The following CEP152 variants were observed in gnomAD, a reference collection of about 807,000 sequenced individuals.
CEP152 encodes centrosomal protein 152.
CEP152 carries 132 observed loss-of-function variants against 188.9 expected under a neutral mutation model. The observed-to-expected ratio is 0.70, with a 90% CI of 0.61 to 0.81. CEP152 has a LOEUF of 0.81. CEP152 is among the 30% of genes least tolerant of loss of function. The pLI is 0.00. For missense variants in CEP152, 1,914 were observed against 1,969.8 expected (o/e 0.97, Z 0.54); for synonymous variants, 649 against 666.6 (o/e 0.97, Z 0.41).
rs771821044 is a variant in CEP152, at chr15:48,752,451, A to C, written c.3364T>G (p.Ser1122Ala). 1 of 1,613,716 alleles carries C rather than the reference A, an allele frequency of 6.2e-7. No homozygotes were observed. Among genetic ancestry groups the C allele is most frequent in the Admixed American group, 1.7e-5 (1 of 60,022 alleles). The change falls in exon 21 of 27, where the codon TCT becomes GCT. Residue 1122 changes from serine to alanine, a missense_variant. Ser to Ala is a moderately conservative substitution (Grantham distance 99). Coordinates refer to ENST00000380950, the MANE Select transcript of CEP152 (RefSeq NM_001194998.2). ...EWKKRNMAEL[S>A]KDSASQGTGQ... Reference sequence around the variant, plus strand: ...GTGCCCTGGCTGGCAGAATCCTTAGAGAGCTCGGCCATATTTCTCTGAAAT... The same window carrying C: ...GTGCCCTGGCTGGCAGAATCCTTAGCGAGCTCGGCCATATTTCTCTGAAAT...
rs1555427904 is a variant in CEP152, at chr15:48,798,058, C to CA, written c.88-8dup. On this transcript the variant is annotated splice_region_variant and splice_polypyrimidine_tract_variant and intron_variant, in intron 2 of 26. Transcript: ENST00000380950. ...CTGTGAGTAACTGCTGCAACTGAGT[C>CA]AAAAGGTCTGCATCAATATCATACC... 1.9e-6 allele frequency: 3 copies of CA among 1,610,438 alleles called. No homozygotes were observed.
At chr15:48,732,554 G>C (rs1892458740) in intron 2 of CEP152, among the ~76,000 whole-genome samples, 1 of 151,916 alleles carries the variant, frequency 6.6e-6, no homozygotes, top group African/African-American at 2.4e-5. Context: ...TTGGGGGTTT[G>C]GGGTGAGGGG....
intron 2 of CEP152, among the ~76,000 whole-genome samples, chr15:48,800,490 G>C (rs1897604094): frequency 6.6e-6 from 1 of 151,876 alleles, no homozygotes; most frequent in Non-Finnish European, 1.5e-5. Flanking sequence ...CACTAACCTT[G>C]TGCAATAAAA....
intron 12 of CEP152, among the ~76,000 whole-genome samples, chr15:48,774,463 A>C (rs1445328694): frequency 6.6e-6 from 1 of 152,200 alleles, no homozygotes; most frequent in Non-Finnish European, 1.5e-5. Context: ...GAGTGTAGGA[A>C]GACTCCCGGA....
intron 21 of CEP152, among the ~76,000 whole-genome samples, chr15:48,751,418 G>A (rs1386860768): frequency 6.6e-6 from 1 of 152,186 alleles, no homozygotes; most frequent in Non-Finnish European, 1.5e-5. Context: ...TTGGCAGTAA[G>A]ATATTCTCAG....
At chr15:48,784,887 G>C (rs1896521325) in intron 9 of CEP152, among the ~76,000 whole-genome samples, 1 of 152,110 alleles carries the variant, frequency 6.6e-6, no homozygotes, top group East Asian at 1.9e-4. Context: ...AAATATGTTT[G>C]GGTGTAATAA....
At chr15:48,801,994 G>C (rs950186805) in intron 2 of CEP152, among the ~76,000 whole-genome samples, 4 of 152,112 alleles carry the variant, frequency 2.6e-5, no homozygotes, top group African/African-American at 9.7e-5. Context: ...CTACTTGGGA[G>C]GCTGAGGCAG....
intron 17 of CEP152, among the ~76,000 whole-genome samples, chr15:48,766,017 C>A (rs1895062546): frequency 6.6e-6 from 1 of 152,100 alleles, no homozygotes; most frequent in East Asian, 1.9e-4. Context: ...TAAAACATTA[C>A]TGAAAGCTAA....
intron 12 of CEP152, among the ~76,000 whole-genome samples, 159 bp downstream of exon 12, chr15:48,781,037 T>C (rs1234378700): frequency 1.3e-5 from 2 of 152,228 alleles, no homozygotes; most frequent in African/African-American, 4.8e-5. Context: ...AATTAATGTA[T>C]ATTTTTTATA....
At position 48,745,132 on chromosome 15, in the gene CEP152, A is replaced by G. The variant is rs1170821500; in HGVS notation, c.3635-140T>C. Reference sequence around the variant, plus strand: ...TTCTGTAACGTTCATCCCCTTAGAAACCCTACTCAGACCATTCCCTTGCTC... The same window carrying G: ...TTCTGTAACGTTCATCCCCTTAGAAGCCCTACTCAGACCATTCCCTTGCTC... On this transcript the variant is annotated intron_variant, in intron 22 of 26. Coordinates refer to ENST00000380950, the MANE Select transcript of CEP152 (RefSeq NM_001194998.2). 5 of 564,968 alleles carry G rather than the reference A, an allele frequency of 8.9e-6. No homozygotes were observed. In the Admixed American group the frequency reaches 1.8e-4, roughly 20 times the overall value. 35.0% of individuals were successfully genotyped at this position (564,968 alleles called of 1,614,324 possible). A position where few individuals can be genotyped will look rare whatever the true frequency, so the allele number is the denominator to read the frequency against.
At position 48,739,134 on chromosome 15, in the gene CEP152, A is replaced by G. The variant is rs774149605; in HGVS notation, c.4248T>C (p.Ala1416=). Residue 1416 remains alanine, a synonymous_variant, in exon 27 of 27, where the codon GCT becomes GCC. Coordinates refer to ENST00000380950, the MANE Select transcript of CEP152 (RefSeq NM_001194998.2). ...TCTCTAACAGCCTTTGTAAGTTACA[A>G]GCTGCCCTCCTCTTGGGAGCTTGTT... is the stretch of plus-strand genomic sequence containing the variant. The part of the protein sequence containing the change: ...LCEQAPKRRA[A]CNLQRLLENS... The G allele has an allele frequency of 4.3e-6, 7 of 1,614,220 alleles. No individual in the cohort carries two copies. The highest frequency in any genetic ancestry group is 5.1e-6 in the Non-Finnish European group (6 of 1,180,028).
intron 20 of CEP152, among the ~76,000 whole-genome samples, chr15:48,752,895 G>A (rs1350841633): frequency 6.6e-6 from 1 of 152,132 alleles, no homozygotes; most frequent in Non-Finnish European, 1.5e-5. Context: ...TGCCTCCTAT[G>A]AATTGAAAAT....
intron 26 of CEP152, among the ~76,000 whole-genome samples, chr15:48,740,006 G>C (rs1351911871): frequency 2.0e-5 from 3 of 152,112 alleles, no homozygotes; most frequent in Non-Finnish European, 4.4e-5. Context: ...ACCAACATCA[G>C]ACTCATGGAC....
chr15:48,800,069 A>G (rs1044752142), intron 2 of CEP152, among the ~76,000 whole-genome samples: 1 of 152,234 alleles, frequency 6.6e-6, no homozygotes, highest in African/African-American at 2.4e-5. Context: ...TTCCCCGCAC[A>G]AAAACAAAAA....
chr15:48,795,915 AAAT>A (rs2140900862), intron 6 of CEP152, 92 bp downstream of exon 6: 2 of 1,193,352 alleles, frequency 1.7e-6, no homozygotes, highest in Non-Finnish European at 1.2e-6. Flanking sequence ...CATACTTAAA[AAAT>A]AATAATTCTT....
intron 15 of CEP152, 40 bp downstream of exon 15, chr15:48,768,179 T>C (rs1229284909): frequency 8.6e-7 from 1 of 1,160,192 alleles, no homozygotes; most frequent in Non-Finnish European, 1.3e-6. Flanking sequence ...AGGGGAAGGG[T>C]ACCCAGGAGA....
At chr15:48,731,292 G>C (rs1405019690) in intron 2 of CEP152, among the ~76,000 whole-genome samples, 2 of 151,834 alleles carry the variant, frequency 1.3e-5, no homozygotes, top group African/African-American at 4.8e-5. Flanking sequence ...GTTCTTACCA[G>C]ACAAAAAATA....
chr15:48,791,979 T>C (rs2140887593), intron 7 of CEP152, among the ~76,000 whole-genome samples: 1 of 152,304 alleles, frequency 6.6e-6, no homozygotes, highest in Middle Eastern at 3.4e-3. Context: ...GGACTAATTA[T>C]CCTACACATA....
chr15:48,793,799 C>A (rs546049260), intron 6 of CEP152, among the ~76,000 whole-genome samples: 144 of 152,286 alleles, frequency 9.5e-4, no homozygotes, highest in South Asian at 1.4e-3. Flanking sequence ...AACCCTGAAT[C>A]ACTAACTACC....
Sources: gnomAD v4.1 joint callset for allele counts (sites outside exome capture counted in the v4.1 genomes callset) on GRCh38, gnomAD v4.1.1 for gene constraint, MANE v1.5 for transcripts, NCBI Gene and HGNC (gene_info 2026-07-23, HGNC 2026-07-21) for gene names.